The following CCNI variants were observed in gnomAD, a reference collection of about 807,000 sequenced individuals.
CCNI encodes cyclin I.
Under a neutral mutation model 34.1 loss-of-function variants are expected in CCNI, and 14 were observed. That is an observed-to-expected ratio of 0.41 (90% confidence interval 0.27 to 0.64). CCNI has a LOEUF of 0.64. Among genes scored for constraint, CCNI ranks in the 30% least tolerant of loss-of-function variants. CCNI has a pLI of 0.31. For synonymous variants in CCNI, 154 were observed against 158.4 expected (o/e 0.97, Z 0.21); for missense variants, 385 against 440.5 (o/e 0.87, Z 1.13).
chr4:77,057,721 C>CA (rs1315123489), intron 3 of CCNI, among the ~76,000 whole-genome samples: 1 of 152,120 alleles, frequency 6.6e-6, no homozygotes, highest in Non-Finnish European at 1.5e-5. Context: ...TGTCATTCAA[C>CA]AAAAATATAC....
chr4:77,049,719 A>G lies in CCNI; in HGVS notation c.691-1057T>C, dbSNP rs60596614. ...AAAAGACACTAAAACCTTTCAACGT[A>G]TTTACCACATTTCAGTATAATAATC... On this transcript the variant is annotated intron_variant, in intron 6 of 6. Coordinates refer to ENST00000237654, the MANE Select transcript of CCNI (RefSeq NM_006835.3). Among the ~76,000 whole-genome samples, 520 of 151,762 alleles carry G rather than the reference A, an allele frequency of 3.4e-3. 3 individuals are homozygous for G. The highest frequency in any genetic ancestry group is 0.011 in the African/African-American group (475 of 41,416).
intron 1 of CCNI, among the ~76,000 whole-genome samples, chr4:77,071,444 T>C (rs972081472): frequency 6.6e-6 from 1 of 152,068 alleles, no homozygotes; most frequent in Admixed American, 6.6e-5. Flanking sequence ...CTTAAGGTAA[T>C]GGAAAAAGAA....
At chr4:77,066,692 T>G (rs1729059540) in intron 1 of CCNI, among the ~76,000 whole-genome samples, 1 of 152,200 alleles carries the variant, frequency 6.6e-6, no homozygotes, top group South Asian at 2.1e-4. Context: ...TGTCAAAACT[T>G]TGTCACTGGC....
At chr4:77,070,793 G>C (rs1472939891) in intron 1 of CCNI, among the ~76,000 whole-genome samples, 2 of 152,132 alleles carry the variant, frequency 1.3e-5, no homozygotes, top group Non-Finnish European at 2.9e-5. Flanking sequence ...GGGAGGCCAA[G>C]GCAGGAGGAG....
chr4:77,048,778 T>A, intron 6 of CCNI, 116 bp from the exon 7 acceptor site: 1 of 618,634 alleles, frequency 1.6e-6, no homozygotes. Flanking sequence ...CTGAGTCTTT[T>A]CTCTCCCCAC....
chr4:77,048,086 A>G lies in CCNI; in HGVS notation c.*133T>C, dbSNP rs1257115249. The G allele has an allele frequency of 9.6e-6, 5 of 522,158 alleles. 1 individual carries two copies. The highest frequency in any genetic ancestry group is 9.4e-5 in the East Asian group (3 of 32,050). The allele number at this position is 522,158 out of a possible 1,614,324, so 32.3% of individuals were successfully genotyped here. A position where few individuals can be genotyped will look rare whatever the true frequency, so the allele number is the denominator to read the frequency against. ...TAGCCACACAAATAATGAGAGTTTT[A>G]TTTTTTTTTTCTGGCTCACTCCAAA... On this transcript the variant is annotated 3_prime_UTR_variant, in exon 7 of 7. Coordinates refer to ENST00000237654, the MANE Select transcript of CCNI (RefSeq NM_006835.3).
chr4:77,066,168 T>C (rs1729021104), intron 2 of CCNI, 81 bp downstream of exon 2: 9 of 1,101,564 alleles, frequency 8.2e-6, no homozygotes, highest in South Asian at 7.7e-5. Flanking sequence ...TCCTCCAATG[T>C]AGTGTCAAGA....
At chr4:77,068,750 T>C (rs4252816) in intron 1 of CCNI, among the ~76,000 whole-genome samples, 16,111 of 148,096 alleles carry the variant, frequency 0.11, 1,089 homozygotes, top group African/African-American at 0.2. Flanking sequence ...TTTTTAAAAA[T>C]AAAAAATTTG....
intron 3 of CCNI, among the ~76,000 whole-genome samples, chr4:77,057,063 ATTT>A (rs1235538840): frequency 3.9e-5 from 6 of 152,200 alleles, no homozygotes; most frequent in Non-Finnish European, 7.3e-5. Flanking sequence ...AAATTAAAAA[ATTT>A]TTTGTGTATG....
chr4:77,058,710 ATAAAAGGTTAGG>A, intron 2 of CCNI, 75 bp from the exon 3 acceptor site: 1 of 1,317,648 alleles, frequency 7.6e-7, no homozygotes, highest in Non-Finnish European at 1.1e-6. Context: ...ATTCTCTCTC[ATAAAAGGTTAGG>A]TAATACTACA....
At chr4:77,065,110 A>G (rs960301483) in intron 2 of CCNI, 2 of 152,274 alleles carry the variant, frequency 1.3e-5, no homozygotes, top group Non-Finnish European at 2.9e-5. Flanking sequence ...TTAACTAATC[A>G]GTTTGCAAAA....
intron 2 of CCNI, chr4:77,064,702 G>C (rs1728902799): frequency 6.7e-6 from 1 of 148,842 alleles, no homozygotes; most frequent in Admixed American, 6.7e-5. Flanking sequence ...TTGAGACGGA[G>C]TCTCACTTAC....
rs1342951782 is a variant in CCNI, at chr4:77,048,285, A to C, written c.1068T>G (p.Thr356=). 9 of 1,614,070 alleles carry C rather than the reference A, an allele frequency of 5.6e-6. No individual in the cohort carries two copies. The African/African-American group carries it at 1.2e-4, about 22-fold the overall frequency. The change falls in exon 7 of 7, where the codon ACT becomes ACG. Residue 356 remains threonine, a synonymous_variant. Coordinates refer to ENST00000237654, the MANE Select transcript of CCNI (RefSeq NM_006835.3). ...CATGTCCCTCTTGTCTTGATAAATC[A>C]GTGCCACACACAGAACCCACATTTT... ...VSENVGSVCG[T]DLSRQEGHAS...
chr4:77,063,250 G>A (rs915858817), intron 2 of CCNI, among the ~76,000 whole-genome samples: 1 of 149,090 alleles, frequency 6.7e-6, no homozygotes, highest in African/African-American at 2.5e-5. Flanking sequence ...GAGGAAAAAG[G>A]CATAAGAGAA....
chr4:77,070,516 T>C (rs967346540), intron 1 of CCNI, among the ~76,000 whole-genome samples: 5 of 151,314 alleles, frequency 3.3e-5, no homozygotes, highest in Middle Eastern at 6.3e-3. Context: ...TTCACAACTT[T>C]AAAAATATTC....
chr4:77,075,480 C>T lies in CCNI; in HGVS notation c.-52G>A. ...CCGCCCCCGCCCCTCACCTTCTCCT[C>T]CTCTTCCTCCTCCTCCTCCTCCCCG... On this transcript the variant is annotated 5_prime_UTR_variant, in exon 1 of 7. Coordinates refer to ENST00000237654, the MANE Select transcript of CCNI (RefSeq NM_006835.3). 3.2e-6 allele frequency: 3 copies of T among 932,262 alleles called. No individual in the cohort carries two copies. Among genetic ancestry groups the T allele is most frequent in the Non-Finnish European group, 3.8e-6 (3 of 781,386 alleles). 57.7% of individuals were successfully genotyped at this position (932,262 alleles called of 1,614,324 possible).
At position 77,058,646 on chromosome 4, in the gene CCNI, A is replaced by G; in HGVS notation, c.115-11T>C. On this transcript the variant is annotated splice_polypyrimidine_tract_variant and intron_variant, in intron 2 of 6. Transcript: ENST00000237654. ...GGATGGAGAAACATTCTATAAGGGA[A>G]CAATTTTGAAAACAGAAGACAAAGT... 6.2e-7 allele frequency: 1 copy of G among 1,607,890 alleles called. No homozygotes were observed. Among genetic ancestry groups the G allele is most frequent in the Non-Finnish European group, 8.5e-7 (1 of 1,177,710 alleles).
At chr4:77,049,297 A>G (rs977051895) in intron 6 of CCNI, among the ~76,000 whole-genome samples, 13 of 152,114 alleles carry the variant, frequency 8.5e-5, no homozygotes, top group African/African-American at 3.1e-4. Context: ...CAATTCACAG[A>G]TATCAATCCT....
intron 6 of CCNI, among the ~76,000 whole-genome samples, chr4:77,053,542 T>C (rs978256701): frequency 5.3e-5 from 8 of 152,278 alleles, no homozygotes; most frequent in Non-Finnish European, 8.8e-5. Flanking sequence ...GAAAACATGA[T>C]CTCAAAGCTA....
Sources: gnomAD v4.1 joint callset for allele counts (sites outside exome capture counted in the v4.1 genomes callset) on GRCh38, gnomAD v4.1.1 for gene constraint, MANE v1.5 for transcripts, NCBI Gene and HGNC (gene_info 2026-07-23, HGNC 2026-07-21) for gene names.